RSRP1: variants seen among roughly 807,000 people sequenced by gnomAD.
RSRP1 encodes arginine and serine rich protein 1.
A neutral mutation model predicts 33.0 loss-of-function variants in RSRP1; 37 were observed. That is an observed-to-expected ratio of 1.12 (90% CI 0.86 to 1.48). The LOEUF (loss-of-function observed/expected upper bound fraction) is 1.48, where lower values mean the gene tolerates loss of function less well. RSRP1 is among the 40% of genes most tolerant of loss of function. The probability of loss-of-function intolerance (pLI) is 0.00; values close to 1 mark genes in which losing one functional copy is unlikely to be tolerated. For synonymous variants in RSRP1, 167 were observed against 158.7 expected (o/e 1.05, Z -0.40); for missense variants, 402 against 385.3 (o/e 1.04, Z -0.36).
At position 25,246,688 on chromosome 1, in the gene RSRP1, A is replaced by C. The variant is rs1270779110; in HGVS notation, c.276T>G (p.Arg92=). 2.5e-6 allele frequency: 4 copies of C among 1,608,404 alleles called. No homozygotes were observed. The Admixed American group carries it at 5.0e-5, about 20-fold the overall frequency. ...SRSRSRSRSR[R]YRERRYGFTR... ...TGAACCCGTAGCGCCTCTCTCGGTA[A>C]CGGCGGCTGCGGGATCGCGACCGGC... Residue 92 remains arginine (R), a synonymous_variant, in exon 2 of 5, where the codon CGT becomes CGG. Coordinates refer to ENST00000243189, the MANE Select transcript of RSRP1 (RefSeq NM_020317.5).
chr1:25,275,259 C>G (rs1377409382), intron 1 of RSRP1, among the ~76,000 whole-genome samples: 8 of 131,700 alleles, frequency 6.1e-5, no homozygotes, highest in Non-Finnish European at 1.1e-4. Context: ...CTGCACTCCA[C>G]CCTGGGTGAC....
At position 25,281,550 on chromosome 1, in the gene RSRP1, C is replaced by T. The variant is rs1357673367; in HGVS notation, c.-66-34521G>A. On this transcript the variant is annotated intron_variant, in intron 1 of 1. Transcript: ENST00000561867. ...CCAACTGAACACAAGCCTCACTGCT[C>T]CCGCATGTGCACTGCACCTTCATAT... Among the ~76,000 whole-genome samples the T allele has an allele frequency of 3.8e-5, 5 of 131,930 alleles. 1 individual carries two copies. The highest frequency in any genetic ancestry group is 3.6e-5 in the Non-Finnish European group (2 of 55,768). 86.6% of individuals were successfully genotyped at this position (131,930 alleles called of 152,430 possible).
rs1487408956 is a variant in RSRP1, at chr1:25,276,188, G to GTTTTTTT, written c.-66-29160_-66-29159insAAAAAAA. On this transcript the variant is annotated intron_variant, in intron 1 of 1. Transcript: ENST00000561867. Reference sequence around the variant, plus strand: ...GTTAGGTATGATAAAAGCATGGTGGGTTGTTTTTGTTTTTGTTTTTTAAGT... The same window carrying GTTTTTTT: ...GTTAGGTATGATAAAAGCATGGTGGGTTTTTTTTTGTTTTTGTTTTTGTTTTTTAAGT... Among the ~76,000 whole-genome samples the GTTTTTTT allele has an allele frequency of 5.3e-4, 70 of 130,994 alleles. 7 individuals are homozygous for GTTTTTTT. Among genetic ancestry groups the GTTTTTTT allele is most frequent in the African/African-American group, 1.8e-3 (68 of 38,374 alleles). The allele number at this position is 130,994 out of a possible 152,430, so 85.9% of individuals were successfully genotyped here.
chr1:25,256,955 A>C (rs1639968349), intron 1 of RSRP1, among the ~76,000 whole-genome samples: 1 of 152,106 alleles, frequency 6.6e-6, no homozygotes, highest in Non-Finnish European at 1.5e-5. Context: ...TCTGGATTTG[A>C]CCTTTTGGGC....
chr1:25,273,144 A>G (rs746956331), intron 1 of RSRP1, among the ~76,000 whole-genome samples: 2 of 127,646 alleles, frequency 1.6e-5, no homozygotes, highest in African/African-American at 2.7e-5. Context: ...CTCATTTCTT[A>G]TTTCTTTTTG....
intron 1 of RSRP1, among the ~76,000 whole-genome samples, chr1:25,336,651 C>A (rs1645080690): frequency 6.7e-6 from 1 of 150,124 alleles, no homozygotes; most frequent in African/African-American, 2.5e-5. Context: ...AGTATCTTTT[C>A]TCCCGCACTC....
chr1:25,247,184 C>T (rs936020621), intron 1 of RSRP1, 125 bp downstream of exon 1: 1 of 495,724 alleles, frequency 2.0e-6, no homozygotes, highest in Admixed American at 3.7e-5. Flanking sequence ...GCTCGGCGCC[C>T]TGAGGCCGCG....
intron 1 of RSRP1, among the ~76,000 whole-genome samples, chr1:25,256,833 C>A (rs1351287739): frequency 6.6e-6 from 1 of 152,108 alleles, no homozygotes; most frequent in Non-Finnish European, 1.5e-5. Flanking sequence ...GGACCTAAAT[C>A]TGATTTCTCT....
At chr1:25,306,712 C>G (rs751622039) in intron 1 of RSRP1, 1 of 1,377,854 alleles carries the variant, frequency 7.3e-7, no homozygotes. Flanking sequence ...TTGATACCGT[C>G]GGAGCCGGCA....
rs1026818333 is a variant in RSRP1 at position 25,303,008 on chromosome 1, G to A, written c.-67+34970C>T. On this transcript the variant is annotated intron_variant, in intron 1 of 1. Transcript: ENST00000561867. Reference sequence around the variant, plus strand: ...AATAAAACAAAAACCCATTCTTCCCGCTGCCCAGGGACACACCACTAATGA... The same window carrying A: ...AATAAAACAAAAACCCATTCTTCCCACTGCCCAGGGACACACCACTAATGA... 7.7e-5 allele frequency among the ~76,000 whole-genome samples: 10 copies of A among 130,562 alleles called. 2 individuals are homozygous for A. Among genetic ancestry groups the A allele is most frequent in the Admixed American group, 3.7e-4 (5 of 13,452 alleles). 85.7% of individuals were successfully genotyped at this position (130,562 alleles called of 152,430 possible).
At chr1:25,244,871 A>G (rs1639215306) in intron 3 of RSRP1, 2 of 1,146,760 alleles carry the variant, frequency 1.7e-6, no homozygotes, top group South Asian at 3.4e-5. Flanking sequence ...TTTTGTAAAC[A>G]CGCGGTTTTG....
At position 25,312,920 on chromosome 1, in the gene RSRP1, TAAAAAAAAAAAAAAAAAA is replaced by T. The variant is rs58027687; in HGVS notation, c.-67+25040_-67+25057del. On this transcript the variant is annotated intron_variant, in intron 1 of 1. Transcript: ENST00000561867. The stretch of plus-strand genomic sequence containing the variant: ...GGATGATAGAGCAAAATCCCATCTC[TAAAAAAAAAAAAAAAAAA>T]AAAAAAAAAAAAAAAAACTTTAGTG... Among the ~76,000 whole-genome samples, 47 of 6,856 alleles carry T rather than the reference TAAAAAAAAAAAAAAAAAA, an allele frequency of 6.9e-3. 7 individuals are homozygous for T. The South Asian group carries it at 0.14, about 20-fold the overall frequency. 4.5% of individuals were successfully genotyped at this position (6,856 alleles called of 152,430 possible).
chr1:25,301,043 C>A, intron 1 of RSRP1: 1 of 1,377,032 alleles, frequency 7.3e-7, no homozygotes, highest in South Asian at 1.2e-5. Context: ...CCCGAGGGAA[C>A]GGAGGATAAA....
At chr1:25,290,670 C>G (rs752408858) in intron 1 of RSRP1, 1 of 1,378,274 alleles carries the variant, frequency 7.3e-7, no homozygotes, top group Non-Finnish European at 1.0e-6. Flanking sequence ...AGTGCTTTGT[C>G]GGTGCTGATC....
In RSRP1 at chr1:25,292,897, A is replaced by G. The variant is rs1467297139; in HGVS notation, c.-67+45081T>C. 9.9e-5 allele frequency among the ~76,000 whole-genome samples: 12 copies of G among 120,946 alleles called. 1 individual carries two copies. The highest frequency in any genetic ancestry group is 2.5e-4 in the African/African-American group (9 of 35,386). The allele number at this position is 120,946 out of a possible 152,430, so 79.3% of individuals were successfully genotyped here. On this transcript the variant is annotated intron_variant, in intron 1 of 1. Transcript: ENST00000561867. ...ATTTTAGAGGGGGGACATGTGTAAG[A>G]GCCAGCAAAGGAGACAGAATTGTGC...
At position 25,246,586 on chromosome 1, in the gene RSRP1, G is replaced by C; in HGVS notation, c.378C>G (p.Tyr126Ter). The change falls in exon 2 of 5, where the codon TAC becomes TAG. Residue 126 changes from tyrosine to a stop codon, truncating the protein, a stop_gained. Coordinates refer to ENST00000243189, the MANE Select transcript of RSRP1 (RefSeq NM_020317.5). LOFTEE classifies it high-confidence loss of function. Reference protein sequence around the residue: ...RSRSRSRGRSYCGRAYAIARG... With the variant: ...RSRSRSRGRS Reference sequence around the variant, plus strand: ...GCGCGATCGCGTACGCCCTTCCGCAGTACGACCTTCCCCGAGAGCGCGACC... The same window carrying C: ...GCGCGATCGCGTACGCCCTTCCGCACTACGACCTTCCCCGAGAGCGCGACC... 1 of 1,614,190 alleles carries C rather than the reference G, an allele frequency of 6.2e-7. No individual in the cohort carries two copies. The highest frequency in any genetic ancestry group is 8.5e-7 in the Non-Finnish European group (1 of 1,180,046).
rs1334660740 is a variant in RSRP1, at chr1:25,275,167, G to A, written c.-66-28138C>T. On this transcript the variant is annotated intron_variant, in intron 1 of 1. Coordinates refer to the RSRP1 transcript ENST00000561867. ...TAGCCGGATGTGGTGGCACGTGCCT[G>A]TAGTCCCAGCTGCTTGGGAAGCTGA... 3.0e-5 allele frequency among the ~76,000 whole-genome samples: 4 copies of A among 132,076 alleles called. 2 individuals carry two copies. The highest frequency in any genetic ancestry group is 5.2e-5 in the African/African-American group (2 of 38,734). 86.6% of individuals were successfully genotyped at this position (132,076 alleles called of 152,430 possible).
At chr1:25,273,099 G>A (rs1640632318) in intron 1 of RSRP1, among the ~76,000 whole-genome samples, 1 of 130,760 alleles carries the variant, frequency 7.6e-6, no homozygotes, top group Admixed American at 7.5e-5. Flanking sequence ...ATGTTGTTGG[G>A]TTTTTGGTTT....
rs1020729727 is a variant in RSRP1, at chr1:25,243,652, A to C, written c.673-19T>G. ...CCGACAGCTAGACAGGTTAAGAAAA[A>C]GTGTAATTTTAAAACACATACCCTT... is the stretch of plus-strand genomic sequence containing the variant. On this transcript the variant is annotated intron_variant, in intron 3 of 4. Transcript: ENST00000243189. 6.2e-7 allele frequency: 1 copy of C among 1,612,602 alleles called. No homozygotes were observed. Among genetic ancestry groups the C allele is most frequent in the African/African-American group, 1.3e-5 (1 of 75,002 alleles).
Sources: allele counts gnomAD v4.1 joint callset (sites outside exome capture counted in the v4.1 genomes callset), GRCh38; gene constraint gnomAD v4.1.1; transcripts MANE v1.5; gene names NCBI Gene and HGNC (gene_info 2026-07-23, HGNC 2026-07-21).